Variants in NANOGNB observed in about 807,000 individuals in gnomAD.
NANOGNB encodes the protein NANOG neighbor homeobox.
NANOGNB carries 30 observed loss-of-function variants against 25.0 expected under a neutral mutation model. The observed-to-expected ratio is 1.20, with a 90% CI of 0.90 to 1.63. The LOEUF is 1.63. Ranked by LOEUF, NANOGNB falls within the 40% of genes most tolerant of loss-of-function variation. The probability of loss-of-function intolerance (pLI) is 0.00; values close to 1 mark genes in which losing one functional copy is unlikely to be tolerated. For synonymous variants in NANOGNB, 84 were observed against 62.1 expected (o/e 1.35, Z -1.66); for missense variants, 200 against 188.1 (o/e 1.06, Z -0.37).
intron 1 of NANOGNB, among the ~76,000 whole-genome samples, chr12:7,768,549 G>A (rs1865264275): frequency 2.7e-5 from 4 of 150,460 alleles, no homozygotes; most frequent in East Asian, 2.0e-4. Flanking sequence ...AGGGATTCTC[G>A]CTCTGTCATC....
chr12:7,765,569 C>CAAAAAAAAAAAAAAAAAAAAAAAAAAA (rs1187331161), intron 1 of NANOGNB, among the ~76,000 whole-genome samples, 182 bp downstream of exon 1: 16 of 48,656 alleles, frequency 3.3e-4, no homozygotes, highest in South Asian at 7.7e-4. Flanking sequence ...GACTCCGTCT[C>CAAAAAAAAAAAAAAAAAAAAAAAAAAA]AAAAAAAAAA....
chr12:7,773,546 C>CAAAATAAAAA (rs1862606459), intron 3 of NANOGNB, among the ~76,000 whole-genome samples: 1 of 15,444 alleles, frequency 6.5e-5, no homozygotes. Flanking sequence ...ACTAAAAATA[C>CAAAATAAAAA]AAAAAAAAAA....
intron 1 of NANOGNB, chr12:7,766,063 C>A: frequency 2.5e-6 from 1 of 398,462 alleles, no homozygotes; most frequent in Non-Finnish European, 4.4e-6. Flanking sequence ...AAAGAGCAGC[C>A]ATTGACTTGA....
In NANOGNB at chr12:7,770,118, A is replaced by T; in HGVS notation, c.238A>T (p.Lys80Ter). The change falls in exon 2 of 4, where the codon AAA becomes TAA. Residue 80 changes from lysine to a stop codon, truncating the protein, a stop_gained. Coordinates refer to ENST00000382119, the MANE Select transcript of NANOGNB (RefSeq NM_001145465.1). LOFTEE classifies it high-confidence loss of function. ...GRKREREKEEKNEKELQDEQE... is the reference protein window; with the variant it reads ...GRKREREKEE The stretch of plus-strand genomic sequence containing the variant: ...AAAGAGAGAACGAGAAAAAGAAGAA[A>T]AAAACGAAAAGGAGCTGCAAGATGA... 2 of 1,545,376 alleles carry T rather than the reference A, an allele frequency of 1.3e-6. No homozygotes were observed. Among genetic ancestry groups the T allele is most frequent in the Non-Finnish European group, 1.8e-6 (2 of 1,141,862 alleles).
At chr12:7,770,617 C>A (rs1234712376) in intron 3 of NANOGNB, 99 bp downstream of exon 3, 6 of 593,220 alleles carry the variant, frequency 1.0e-5, no homozygotes, top group Non-Finnish European at 1.4e-5. Context: ...TGCCCATAAA[C>A]TTTTTTTTTT....
chr12:7,773,104 A>G (rs1862599210), intron 3 of NANOGNB, among the ~76,000 whole-genome samples: 1 of 149,010 alleles, frequency 6.7e-6, no homozygotes, highest in African/African-American at 2.5e-5. Flanking sequence ...TCCTCTATTA[A>G]AATCCAACTG....
At position 7,765,224 on chromosome 12, in the gene NANOGNB, T is replaced by G; in HGVS notation, c.-62T>G. The G allele has an allele frequency of 7.8e-7, 1 of 1,284,102 alleles. No individual in the cohort carries two copies. Among genetic ancestry groups the G allele is most frequent in the South Asian group, 1.2e-5 (1 of 80,734 alleles). The allele number at this position is 1,284,102 out of a possible 1,614,324, so 79.5% of individuals were successfully genotyped here. ...TCCAAAAGATGGATGACATCTACCT[T>G]ATCTGGTCGGTCATCTCTGTAACCT... is the stretch of plus-strand genomic sequence containing the variant. On this transcript the variant is annotated 5_prime_UTR_variant, in exon 1 of 4. Coordinates refer to ENST00000382119, the MANE Select transcript of NANOGNB (RefSeq NM_001145465.1).
At chr12:7,772,133 A>T (rs1862573734) in intron 3 of NANOGNB, among the ~76,000 whole-genome samples, 1 of 152,182 alleles carries the variant, frequency 6.6e-6, no homozygotes, top group African/African-American at 2.4e-5. Context: ...CAGTCAAGCC[A>T]TGGGTGGAGC....
intron 1 of NANOGNB, among the ~76,000 whole-genome samples, chr12:7,768,817 C>A (rs1002177342): frequency 2.6e-5 from 4 of 152,056 alleles, no homozygotes; most frequent in African/African-American, 9.7e-5. Context: ...CAGGCGTGAG[C>A]CACCGCGCCC....
intron 3 of NANOGNB, among the ~76,000 whole-genome samples, chr12:7,773,544 TACAAAAAAAAAA>T (rs1862606335): frequency 1.6e-4 from 1 of 6,262 alleles, no homozygotes; most frequent in Non-Finnish European, 3.9e-4. Flanking sequence ...CTACTAAAAA[TACAAAAAAAAAA>T]AAAAAAAAAA....
Position 7,770,464 on chromosome 12 carries a change from G to A in NANOGNB, c.461G>A (p.Arg154Lys). The A allele has an allele frequency of 3.3e-6, 5 of 1,534,402 alleles. No homozygotes were observed. Among genetic ancestry groups the A allele is most frequent in the Admixed American group, 2.0e-5 (1 of 50,160 alleles). Residue 154 changes from arginine to lysine, a missense_variant, in exon 3 of 4, where the codon AGG becomes AAG. Physicochemically the swap from Arg to Lys is conservative, Grantham distance 26. Coordinates refer to ENST00000382119, the MANE Select transcript of NANOGNB (RefSeq NM_001145465.1). Reference protein sequence around the residue: ...KQISQWFCKTRKKYNKEMSKR... With the variant: ...KQISQWFCKTKKKYNKEMSKR... ...ATAAGTCAATGGTTTTGTAAAACGAGGAAGAAATATAATAAAGAAATGTCC... is the reference window on the plus strand; with the variant it reads ...ATAAGTCAATGGTTTTGTAAAACGAAGAAGAAATATAATAAAGAAATGTCC...
intron 3 of NANOGNB, among the ~76,000 whole-genome samples, chr12:7,773,570 A>AAAAAAAAAAAAAAAC (rs1229225253): frequency 7.1e-6 from 1 of 140,174 alleles, no homozygotes; most frequent in Non-Finnish European, 1.6e-5. Flanking sequence ...AAAAAAAAAA[A>AAAAAAAAAAAAAAAC]AAAAAAAAAG....
chr12:7,772,282 G>A (rs1440579368), intron 3 of NANOGNB, among the ~76,000 whole-genome samples: 2 of 151,992 alleles, frequency 1.3e-5, no homozygotes, highest in South Asian at 4.2e-4. Context: ...CAGGTTACAT[G>A]GGCTCTTTTT....
intron 3 of NANOGNB, among the ~76,000 whole-genome samples, chr12:7,771,136 T>G (rs1565471888): frequency 1.3e-5 from 2 of 152,230 alleles, no homozygotes; most frequent in Non-Finnish European, 2.9e-5. Flanking sequence ...ATATATCTGA[T>G]GATTGTTGTT....
intron 3 of NANOGNB, among the ~76,000 whole-genome samples, chr12:7,773,578 A>AAAAAAAC (rs1862607554): frequency 1.5e-5 from 2 of 132,048 alleles, no homozygotes; most frequent in African/African-American, 2.7e-5. Context: ...AAAAAAAAAA[A>AAAAAAAC]AGCCAGGCTT....
chr12:7,765,992 G>C lies in NANOGNB; in HGVS notation c.102+605G>C, dbSNP rs765469487. 4 of 395,912 alleles carry C rather than the reference G, an allele frequency of 1.0e-5. No individual in the cohort carries two copies. The South Asian group carries it at 5.5e-4, about 55-fold the overall frequency. 24.5% of individuals were successfully genotyped at this position (395,912 alleles called of 1,614,324 possible). A position where few individuals can be genotyped will look rare whatever the true frequency, so the allele number is the denominator to read the frequency against. On this transcript the variant is annotated intron_variant, in intron 1 of 3. Transcript: ENST00000382119. ...GGTGAAGGGATTTAACCTTGAGTGT[G>C]ATTGAAAAAGCACAGGGACAGAAAT... is the stretch of plus-strand genomic sequence containing the variant.
Position 7,769,964 on chromosome 12 carries a change from C to A in NANOGNB, c.103-19C>A. 6.8e-7 allele frequency: 1 copy of A among 1,475,952 alleles called. No individual in the cohort carries two copies. The highest frequency in any genetic ancestry group is 9.0e-7 in the Non-Finnish European group (1 of 1,114,666). The allele number at this position is 1,475,952 out of a possible 1,614,324, so 91.4% of individuals were successfully genotyped here. On this transcript the variant is annotated intron_variant, in intron 1 of 3. Transcript: ENST00000382119. ...ATTTAGCTGCAGCTTGATTTTATTC[C>A]ACGGATCTTTTTATACAGAAACAAT...
rs1403249136 is a variant in NANOGNB at position 7,765,427 on chromosome 12, G to A, written c.102+40G>A. ...CTACTAAAAATACAAAAAATTAGCT[G>A]GGCGTGGTGGCGGGCGCCTGTAGTC... is the stretch of plus-strand genomic sequence containing the variant. On this transcript the variant is annotated intron_variant, in intron 1 of 3. Coordinates refer to ENST00000382119, the MANE Select transcript of NANOGNB (RefSeq NM_001145465.1). 1.9e-5 allele frequency: 7 copies of A among 359,234 alleles called. No homozygotes were observed. The East Asian group carries it at 6.0e-4, about 31-fold the overall frequency. 22.3% of individuals were successfully genotyped at this position (359,234 alleles called of 1,614,324 possible). A position where few individuals can be genotyped will look rare whatever the true frequency, so the allele number is the denominator to read the frequency against.
intron 1 of NANOGNB, 45 bp from the exon 2 acceptor site, chr12:7,769,938 A>C (rs1865276436): frequency 7.1e-7 from 1 of 1,399,878 alleles, no homozygotes; most frequent in African/African-American, 1.5e-5. Flanking sequence ...CTGAAAGTCA[A>C]ATTTAGCTGC....
Sources: allele counts gnomAD v4.1 joint callset (sites outside exome capture counted in the v4.1 genomes callset), GRCh38; gene constraint gnomAD v4.1.1; transcripts MANE v1.5; gene names NCBI Gene and HGNC (gene_info 2026-07-23, HGNC 2026-07-21).